B3GALT1: variants seen among roughly 807,000 people sequenced by gnomAD.
B3GALT1 encodes the protein beta-1,3-galactosyltransferase 1, also known as UDP-Gal:betaGlcNAc beta 1,3-galactosyltransferase, polypeptide 1.
In B3GALT1, 10 loss-of-function variants were observed where a neutral mutation model predicts 23.2. The ratio of observed to expected loss-of-function variants is 0.43; its 90% confidence interval spans 0.27 to 0.73. B3GALT1 has a LOEUF of 0.73. B3GALT1 is among the 30% of genes least tolerant of loss of function. The pLI is 0.21. For missense variants in B3GALT1, 299 were observed against 405.4 expected (o/e 0.74, Z 2.25); for synonymous variants, 156 against 141.5 (o/e 1.10, Z -0.73).
At chr2:167,312,393 C>T (rs1405168679) in intron 1 of B3GALT1, among the ~76,000 whole-genome samples, 4 of 151,826 alleles carry the variant, frequency 2.6e-5, no homozygotes, top group Non-Finnish European at 4.4e-5. Flanking sequence ...TGAACAAGGA[C>T]GTAAGACTTT....
chr2:167,564,633 G>C (rs547858876), intron 2 of B3GALT1, among the ~76,000 whole-genome samples: 6 of 152,122 alleles, frequency 3.9e-5, no homozygotes, highest in Non-Finnish European at 5.9e-5. Context: ...GGCCGAGGCC[G>C]GCGGATCACT....
chr2:167,490,765 C>CAAAAG (rs2105341841), intron 2 of B3GALT1, among the ~76,000 whole-genome samples: 1 of 152,248 alleles, frequency 6.6e-6, no homozygotes, highest in Non-Finnish European at 1.5e-5. Context: ...TTTGGAAAGC[C>CAAAAG]CTACAGTGTC....
chr2:167,390,134 C>T (rs1041240896), intron 1 of B3GALT1, among the ~76,000 whole-genome samples: 2 of 152,076 alleles, frequency 1.3e-5, no homozygotes, highest in Admixed American at 6.5e-5. Flanking sequence ...CTATTGATAG[C>T]TTCCAAGTCC....
chr2:167,365,915 C>G (rs2105266139), intron 1 of B3GALT1, among the ~76,000 whole-genome samples: 1 of 152,234 alleles, frequency 6.6e-6, no homozygotes, highest in East Asian at 1.9e-4. Flanking sequence ...TGGAAGGAAA[C>G]TGAATCTCTG....
chr2:167,861,432 G>A (rs1486448265), intron 4 of B3GALT1, among the ~76,000 whole-genome samples: 1 of 152,184 alleles, frequency 6.6e-6, no homozygotes, highest in Non-Finnish European at 1.5e-5. Flanking sequence ...GAATTTGCAG[G>A]AGTGGGCAGA....
intron 2 of B3GALT1, among the ~76,000 whole-genome samples, chr2:167,599,156 C>A (rs1684831226): frequency 6.6e-6 from 1 of 152,186 alleles, no homozygotes; most frequent in Non-Finnish European, 1.5e-5. Flanking sequence ...AGCTGCTTTT[C>A]TCTGCATTTG....
intron 1 of B3GALT1, among the ~76,000 whole-genome samples, chr2:167,482,973 A>G (rs908292383): frequency 9.2e-5 from 14 of 152,240 alleles, no homozygotes; most frequent in South Asian, 2.1e-4. Flanking sequence ...GCCTTTTGCT[A>G]TCTCTGTTCT....
intron 2 of B3GALT1, among the ~76,000 whole-genome samples, chr2:167,529,422 A>G (rs1345614027): frequency 1.3e-5 from 2 of 151,868 alleles, no homozygotes; most frequent in African/African-American, 4.8e-5. Context: ...CACATTCTTG[A>G]CATTTGCCTC....
chr2:167,387,193 C>A (rs574530592), intron 1 of B3GALT1, among the ~76,000 whole-genome samples: 1 of 152,224 alleles, frequency 6.6e-6, no homozygotes, highest in South Asian at 2.1e-4. Flanking sequence ...TTTTGATCAA[C>A]AATATGCCAT....
chr2:167,840,104 A>AGGACATAGGCAG (rs1230066823), intron 4 of B3GALT1, among the ~76,000 whole-genome samples: 1 of 152,252 alleles, frequency 6.6e-6, no homozygotes, highest in Non-Finnish European at 1.5e-5. Context: ...ATTACCATTC[A>AGGACATAGGCAG]GGACATAGGC....
At chr2:167,810,426 C>T (rs1688862912) in intron 3 of B3GALT1, among the ~76,000 whole-genome samples, 1 of 150,884 alleles carries the variant, frequency 6.6e-6, no homozygotes. Flanking sequence ...TGGCTCCACC[C>T]TTTGTTTGTT....
chr2:167,725,047 AC>A (rs1687290185), intron 3 of B3GALT1, among the ~76,000 whole-genome samples: 4 of 152,198 alleles, frequency 2.6e-5, no homozygotes, highest in Admixed American at 2.6e-4. Context: ...ATTAAGTCAA[AC>A]ACTTCATTGT....
At chr2:167,560,288 A>T (rs1161582798) in intron 2 of B3GALT1, among the ~76,000 whole-genome samples, 1 of 152,176 alleles carries the variant, frequency 6.6e-6, no homozygotes, top group African/African-American at 2.4e-5. Flanking sequence ...CCTGCCCTCA[A>T]AGAGCTCCTA....
intron 3 of B3GALT1, among the ~76,000 whole-genome samples, chr2:167,755,252 A>G (rs1687797672): frequency 6.6e-6 from 1 of 152,112 alleles, no homozygotes; most frequent in African/African-American, 2.4e-5. Context: ...GATGAATGCT[A>G]GAAGTACGAT....
chr2:167,665,877 T>C (rs531103340), intron 3 of B3GALT1, among the ~76,000 whole-genome samples: 2 of 152,278 alleles, frequency 1.3e-5, no homozygotes, highest in South Asian at 4.1e-4. Flanking sequence ...GTCTTGCTAG[T>C]GGTCTATCAA....
At chr2:167,669,032 C>T (rs1397795733) in intron 3 of B3GALT1, among the ~76,000 whole-genome samples, 1 of 152,184 alleles carries the variant, frequency 6.6e-6, no homozygotes, top group African/African-American at 2.4e-5. Flanking sequence ...TGCTGTCCCC[C>T]TCCCTCCCCA....
In B3GALT1 at chr2:167,509,418, G is replaced by A. The variant is rs749801521; in HGVS notation, c.-410+19141G>A. Among the ~76,000 whole-genome samples, 6 of 152,000 alleles carry A rather than the reference G, an allele frequency of 3.9e-5. No individual in the cohort carries two copies. In the South Asian group the frequency reaches 8.3e-4, roughly 21 times the overall value. ...CAGGAGCTTAACACTAGTGGAAGGA[G>A]ACTATATATATACATATGTGTGTGT... is the stretch of plus-strand genomic sequence containing the variant. On this transcript the variant is annotated intron_variant, in intron 2 of 4. Transcript: ENST00000392690.
At chr2:167,346,064 A>G (rs1405520775) in intron 1 of B3GALT1, among the ~76,000 whole-genome samples, 2 of 151,498 alleles carry the variant, frequency 1.3e-5, no homozygotes, top group African/African-American at 4.9e-5. Context: ...AAAGCATTCT[A>G]TGAATGGTAA....
chr2:167,454,088 T>C (rs916332418), intron 1 of B3GALT1, among the ~76,000 whole-genome samples: 6 of 152,214 alleles, frequency 3.9e-5, no homozygotes, highest in Non-Finnish European at 8.8e-5. Flanking sequence ...TAGGTTGTAT[T>C]TGTATATTTG....
Sources: allele counts gnomAD v4.1 joint callset (sites outside exome capture counted in the v4.1 genomes callset), GRCh38; gene constraint gnomAD v4.1.1; transcripts MANE v1.5; gene names NCBI Gene and HGNC (gene_info 2026-07-23, HGNC 2026-07-21).